NRBF2: variants seen among roughly 807,000 people sequenced by gnomAD.
The protein encoded by NRBF2 is nuclear receptor binding factor 2, also known as nuclear receptor-binding factor 2.
NRBF2 carries 12 observed loss-of-function variants against 28.5 expected under a neutral mutation model. The observed-to-expected ratio is 0.42, with a 90% confidence interval of 0.27 to 0.68. The LOEUF is 0.68. Ranked by LOEUF, NRBF2 falls within the 30% of genes least tolerant of loss-of-function variation. NRBF2 has a pLI of 0.24. For missense variants in NRBF2, 274 were observed against 333.5 expected (o/e 0.82, Z 1.39); for synonymous variants, 102 against 116.5 (o/e 0.88, Z 0.80).
chr10:63,153,570 A>C lies in NRBF2; in HGVS notation c.216A>C (p.Gln72His). The change falls in exon 4 of 4, where the codon CAA (glutamine) becomes CAC (histidine). Residue 72 changes from glutamine to histidine, a missense_variant. Transcript: ENST00000277746. The part of the protein sequence containing the change: ...DSHMKQLLLI[Q>H]ERWKRAQREE... ...ATATGAAACAGCTCCTCCTCATCCA[A>C]GAGAGATGGAAAAGGGCCCAGCGTG... 1 of 1,612,010 alleles carries C rather than the reference A, an allele frequency of 6.2e-7. No individual in the cohort carries two copies. The highest frequency in any genetic ancestry group is 1.1e-5 in the South Asian group (1 of 90,990).
chr10:63,144,565 C>T (rs1841530470), intron 1 of NRBF2, among the ~76,000 whole-genome samples: 1 of 152,046 alleles, frequency 6.6e-6, no homozygotes, highest in African/African-American at 2.4e-5. Flanking sequence ...CAGGTGCCCC[C>T]CACCACGCCT....
At chr10:63,135,156 C>T (rs1427227757) in intron 1 of NRBF2, among the ~76,000 whole-genome samples, 1 of 152,188 alleles carries the variant, frequency 6.6e-6, no homozygotes, top group Non-Finnish European at 1.5e-5. Context: ...CACTGCACTC[C>T]AACCTGGGCG....
chr10:63,138,879 G>A (rs780180895), intron 1 of NRBF2, among the ~76,000 whole-genome samples: 1 of 152,280 alleles, frequency 6.6e-6, no homozygotes, highest in Non-Finnish European at 1.5e-5. Context: ...TGTAGGAGAC[G>A]CACATTGATT....
At chr10:63,143,301 C>T (rs1010867925) in intron 1 of NRBF2, among the ~76,000 whole-genome samples, 6 of 152,166 alleles carry the variant, frequency 3.9e-5, no homozygotes, top group African/African-American at 1.4e-4. Flanking sequence ...CTTTTGTCTT[C>T]ACCTGTGTTT....
intron 1 of NRBF2, among the ~76,000 whole-genome samples, chr10:63,134,964 A>T (rs556991588): frequency 6.6e-6 from 1 of 152,088 alleles, no homozygotes; most frequent in Non-Finnish European, 1.5e-5. Context: ...GAGGCGGGCG[A>T]ATCACTTGAG....
At chr10:63,149,483 C>A (rs544351103) in intron 2 of NRBF2, among the ~76,000 whole-genome samples, 1 of 152,126 alleles carries the variant, frequency 6.6e-6, no homozygotes, top group Admixed American at 6.5e-5. Context: ...AGTAGTTTAA[C>A]GAGGATTGTT....
chr10:63,140,227 C>G (rs1841442602), intron 1 of NRBF2, among the ~76,000 whole-genome samples: 1 of 152,084 alleles, frequency 6.6e-6, no homozygotes, highest in African/African-American at 2.4e-5. Context: ...CAGCTGTTTA[C>G]AAAACGAATC....
At chr10:63,144,417 CTT>C (rs58418737) in intron 1 of NRBF2, among the ~76,000 whole-genome samples, 3 of 138,914 alleles carry the variant, frequency 2.2e-5, no homozygotes, top group Non-Finnish European at 3.1e-5. Context: ...ATTATCTTCC[CTT>C]TTTTTTTTTT....
chr10:63,150,246 C>T, intron 2 of NRBF2: 3 of 349,380 alleles, frequency 8.6e-6, no homozygotes, highest in Non-Finnish European at 1.2e-5. Context: ...GCCACCACAC[C>T]CGGCCGTCTT....
At chr10:63,152,582 C>G (rs1438476782) in intron 3 of NRBF2, among the ~76,000 whole-genome samples, 6 of 152,186 alleles carry the variant, frequency 3.9e-5, no homozygotes, top group Non-Finnish European at 2.9e-5. Flanking sequence ...TAAATCTGAC[C>G]AGTCTCCCAC....
At chr10:63,144,250 G>C (rs1841524764) in intron 1 of NRBF2, among the ~76,000 whole-genome samples, 1 of 152,042 alleles carries the variant, frequency 6.6e-6, no homozygotes, top group African/African-American at 2.4e-5. Flanking sequence ...CCTGTTCAAT[G>C]ATGAGTTGTT....
intron 2 of NRBF2, among the ~76,000 whole-genome samples, chr10:63,147,628 T>TG (rs1841583450): frequency 6.6e-6 from 1 of 151,546 alleles, no homozygotes. Flanking sequence ...TTTTTTTTTT[T>TG]TAAGTTCTGG....
intron 1 of NRBF2, 52 bp from the exon 2 acceptor site, chr10:63,146,157 A>G: frequency 7.0e-7 from 1 of 1,438,184 alleles, no homozygotes; most frequent in Non-Finnish European, 9.8e-7. Flanking sequence ...TTTTGAAAGA[A>G]ATCATGTTTT....
chr10:63,152,669 G>A (rs540970516), intron 3 of NRBF2, among the ~76,000 whole-genome samples: 2 of 152,300 alleles, frequency 1.3e-5, no homozygotes, highest in Admixed American at 1.3e-4. Flanking sequence ...TGTCTTCTGT[G>A]TTTGGGGAGG....
At chr10:63,143,515 T>C (rs1268748697) in intron 1 of NRBF2, among the ~76,000 whole-genome samples, 1 of 151,922 alleles carries the variant, frequency 6.6e-6, no homozygotes, top group Non-Finnish European at 1.5e-5. Flanking sequence ...TGAAGTGTAA[T>C]GGTGCGATCT....
chr10:63,135,925 T>A (rs370291978), intron 1 of NRBF2, among the ~76,000 whole-genome samples: 1 of 151,884 alleles, frequency 6.6e-6, no homozygotes, highest in African/African-American at 2.4e-5. Flanking sequence ...ATTACAGGCG[T>A]GAGCCAGCGT....
At position 63,146,228 on chromosome 10, in the gene NRBF2, G is replaced by A. The variant is rs768343430; in HGVS notation, c.50G>A (p.Arg17Gln). ...PLNLAHQQSRRADRLLAAGKY... is the reference protein window; with the variant it reads ...PLNLAHQQSRQADRLLAAGKY... Reference sequence around the variant, plus strand: ...TTCTAGGCTCATCAACAGAGCAGACGAGCAGACCGTTTATTAGCTGCAGGC... The same window carrying A: ...TTCTAGGCTCATCAACAGAGCAGACAAGCAGACCGTTTATTAGCTGCAGGC... Residue 17 changes from arginine to glutamine, a missense_variant, in exon 2 of 4, where the codon CGA becomes CAA. By Grantham distance (43) the Arg-to-Gln change is conservative (BLOSUM62 1). Transcript: ENST00000277746. The A allele has an allele frequency of 2.1e-5, 34 of 1,611,848 alleles. No individual in the cohort carries two copies. Among genetic ancestry groups the A allele is most frequent in the African/African-American group, 2.7e-5 (2 of 74,818 alleles).
rs550146192 is a variant in NRBF2 at position 63,145,887 on chromosome 10, C to T, written c.31-322C>T. On this transcript the variant is annotated intron_variant, in intron 1 of 3. Transcript: ENST00000277746. ...GCTTGTTAAAAATCAAGAAAATAGACATTTTGAATAACAATCTATGATTGT... is the reference window on the plus strand; with the variant it reads ...GCTTGTTAAAAATCAAGAAAATAGATATTTTGAATAACAATCTATGATTGT... 6.4e-4 allele frequency among the ~76,000 whole-genome samples: 98 copies of T among 152,234 alleles called. 1 individual carries two copies. Among genetic ancestry groups the T allele is most frequent in the African/African-American group, 2.2e-3 (92 of 41,542 alleles).
intron 1 of NRBF2, among the ~76,000 whole-genome samples, chr10:63,140,913 C>T (rs1302090543): frequency 6.6e-6 from 1 of 152,004 alleles, no homozygotes; most frequent in Non-Finnish European, 1.5e-5. Flanking sequence ...GTTGGCCAGG[C>T]TGGTCTCAAA....
Sources: allele counts gnomAD v4.1 joint callset (sites outside exome capture counted in the v4.1 genomes callset), GRCh38; gene constraint gnomAD v4.1.1; transcripts MANE v1.5; gene names NCBI Gene and HGNC (gene_info 2026-07-23, HGNC 2026-07-21).